RNF144A: variants seen among roughly 807,000 people sequenced by gnomAD.
The protein encoded by RNF144A is ring finger protein 144A.
RNF144A carries 11 observed loss-of-function variants against 38.7 expected under a neutral mutation model. That is an observed-to-expected ratio of 0.28 (90% CI 0.18 to 0.47). The LOEUF (loss-of-function observed/expected upper bound fraction) is 0.47. Ranked by LOEUF, RNF144A falls within the 20% of genes least tolerant of loss-of-function variation. RNF144A has a pLI of 0.99. For missense variants in RNF144A, 316 were observed against 377.2 expected (o/e 0.84, Z 1.34); for synonymous variants, 149 against 143.9 (o/e 1.04, Z -0.25).
chr2:7,047,212 G>T (rs563585305), downstream of RNF144A, among the ~76,000 whole-genome samples: 8 of 152,182 alleles, frequency 5.3e-5, no homozygotes, highest in Non-Finnish European at 7.4e-5. Flanking sequence ...TGTTGCTGGG[G>T]GTGTGTGTGT....
chr2:6,996,182 A>G (rs1460751356), intron 2 of RNF144A, among the ~76,000 whole-genome samples: 1 of 151,208 alleles, frequency 6.6e-6, no homozygotes, highest in East Asian at 1.9e-4. Flanking sequence ...AAGCCTCACC[A>G]CCCCCACCAA....
chr2:7,023,749 T>C (rs1477334421), intron 6 of RNF144A, among the ~76,000 whole-genome samples: 2 of 152,326 alleles, frequency 1.3e-5, no homozygotes, highest in South Asian at 2.1e-4. Flanking sequence ...GTCACACTGA[T>C]GAGAAAACTA....
intron 2 of RNF144A, among the ~76,000 whole-genome samples, chr2:6,995,063 C>A (rs1669631614): frequency 6.6e-6 from 1 of 152,180 alleles, no homozygotes; most frequent in Admixed American, 6.5e-5. Flanking sequence ...TGGTAGAATT[C>A]TCCCTCCATG....
Position 6,944,652 on chromosome 2 carries a change from C to T in RNF144A, c.-12+3505C>T, listed in dbSNP as rs1666219623. Among the ~76,000 whole-genome samples the T allele has an allele frequency of 6.6e-6, 1 of 151,964 alleles. No individual in the cohort carries two copies. The highest frequency in any genetic ancestry group is 2.4e-5 in the African/African-American group (1 of 41,358). On this transcript the variant is annotated intron_variant, in intron 2 of 8. Coordinates refer to ENST00000320892, the MANE Select transcript of RNF144A (RefSeq NM_014746.6). The surrounding 1 kb of genome is among the most constrained non-coding windows in gnomAD (Gnocchi z 4.7). ...CTTTCCCTGCAGTGCTTTTGCTGGC[C>T]CCGAGATAGGGTCTCCTCAGGTGTG... is the stretch of plus-strand genomic sequence containing the variant.
At chr2:7,001,609 C>T (rs1311895145) in intron 3 of RNF144A, among the ~76,000 whole-genome samples, 2 of 151,706 alleles carry the variant, frequency 1.3e-5, no homozygotes, top group Non-Finnish European at 2.9e-5. Context: ...CCCAGGAGGT[C>T]GAGGCCGCAG....
intron 2 of RNF144A, among the ~76,000 whole-genome samples, chr2:6,987,086 G>A (rs946190974): frequency 6.6e-6 from 1 of 150,584 alleles, no homozygotes; most frequent in East Asian, 2.0e-4. Context: ...GTGGGAAACC[G>A]GCCATGATGT....
chr2:7,052,739 G>T (rs907521685), intron 6 of RNF144A, among the ~76,000 whole-genome samples: 3 of 151,938 alleles, frequency 2.0e-5, no homozygotes, highest in African/African-American at 7.3e-5. Flanking sequence ...AACATGGGGT[G>T]GGGGGGAATC....
intron 3 of RNF144A, among the ~76,000 whole-genome samples, chr2:7,010,446 C>T (rs1252414495): frequency 6.6e-6 from 1 of 152,152 alleles, no homozygotes; most frequent in Non-Finnish European, 1.5e-5. Context: ...AGCACAGTTT[C>T]TGGGCATTTT....
chr2:6,923,560 C>G (rs570209668), intron 1 of RNF144A, among the ~76,000 whole-genome samples: 1 of 152,338 alleles, frequency 6.6e-6, no homozygotes, highest in African/African-American at 2.4e-5. Flanking sequence ...TTCTTGAAGG[C>G]TCATCACAAA....
chr2:6,976,975 A>G (rs1274116619), intron 2 of RNF144A, among the ~76,000 whole-genome samples: 2 of 152,220 alleles, frequency 1.3e-5, no homozygotes, highest in African/African-American at 4.8e-5. Flanking sequence ...GCTGTAATCC[A>G]CATTTTCATG....
chr2:7,035,093 C>A (rs1244934918), intron 8 of RNF144A, among the ~76,000 whole-genome samples: 1 of 152,218 alleles, frequency 6.6e-6, no homozygotes, highest in East Asian at 1.9e-4. Context: ...AATCTGCCAG[C>A]CTTGTGGCCT....
At chr2:6,997,104 A>G (rs1467099714) in intron 3 of RNF144A, 43 bp downstream of exon 3, 2 of 1,602,420 alleles carry the variant, frequency 1.2e-6, no homozygotes, top group African/African-American at 1.3e-5. Context: ...TGATTTTAGG[A>G]TGAGCTTTTT....
rs1271951718 is a variant in RNF144A, at chr2:7,043,298, A to C, written c.*3538A>C. On this transcript the variant is annotated 3_prime_UTR_variant, in exon 9 of 9. Transcript: ENST00000320892. ...CTATCAGAGATGCAAAAATTACTTC[A>C]AGATGAGTTTATTGTTTTCATTTGT... 19 of 985,304 alleles carry C rather than the reference A, an allele frequency of 1.9e-5. No homozygotes were observed. The highest frequency in any genetic ancestry group is 5.2e-4 in the Middle Eastern group (1 of 1,912). The allele number at this position is 985,304 out of a possible 1,614,324, so 61.0% of individuals were successfully genotyped here. A position where few individuals can be genotyped will look rare whatever the true frequency, so the allele number is the denominator to read the frequency against.
At position 7,041,541 on chromosome 2, in the gene RNF144A, C is replaced by T. The variant is rs533362761; in HGVS notation, c.*1781C>T. 5.9e-5 allele frequency: 58 copies of T among 986,030 alleles called. No homozygotes were observed. In the African/African-American group the frequency reaches 6.6e-4, roughly 11 times the overall value. The allele number at this position is 986,030 out of a possible 1,614,324, so 61.1% of individuals were successfully genotyped here. On this transcript the variant is annotated 3_prime_UTR_variant, in exon 9 of 9. Coordinates refer to ENST00000320892, the MANE Select transcript of RNF144A (RefSeq NM_014746.6). ...TGGAACCTGGGCTGTGGCTCTCTGT[C>T]GTTTGTGGTGCTGTGATGGTGTCTA...
At chr2:7,009,234 CG>C (rs1558428134) in intron 3 of RNF144A, among the ~76,000 whole-genome samples, 1 of 152,188 alleles carries the variant, frequency 6.6e-6, no homozygotes, top group East Asian at 1.9e-4. Flanking sequence ...TAGTATTTGC[CG>C]GGGCCTTACT....
chr2:6,960,487 A>G lies in RNF144A; in HGVS notation c.-12+19340A>G, dbSNP rs1667268469. Among the ~76,000 whole-genome samples, 5 of 152,248 alleles carry G rather than the reference A, an allele frequency of 3.3e-5. No homozygotes were observed. In the South Asian group the frequency reaches 1.0e-3, roughly 32 times the overall value. On this transcript the variant is annotated intron_variant, in intron 2 of 8. Transcript: ENST00000320892. The stretch of plus-strand genomic sequence containing the variant: ...TTTTAAAAAGGCAATGAGAGTGGCC[A>G]AGGTTGTGTTCTGGAAAGTGATGGT...
intron 3 of RNF144A, among the ~76,000 whole-genome samples, chr2:7,011,762 A>G (rs1670825825): frequency 6.6e-6 from 1 of 152,202 alleles, no homozygotes; most frequent in African/African-American, 2.4e-5. Flanking sequence ...TTAGAATGAA[A>G]ACCATAGCTT....
intron 8 of RNF144A, among the ~76,000 whole-genome samples, chr2:7,032,593 C>G (rs1001103579): frequency 2.6e-5 from 4 of 152,244 alleles, no homozygotes; most frequent in Admixed American, 2.0e-4. Context: ...CTGGACAGAT[C>G]GATGCGTCAC....
intron 8 of RNF144A, among the ~76,000 whole-genome samples, chr2:7,031,690 G>C (rs13413864): frequency 6.6e-6 from 1 of 152,258 alleles, no homozygotes; most frequent in Admixed American, 6.5e-5. Context: ...TTGCCAGGAC[G>C]AGGGAAAGGT....
Sources: allele counts gnomAD v4.1 joint callset (sites outside exome capture counted in the v4.1 genomes callset), GRCh38; gene constraint gnomAD v4.1.1; non-coding constraint Gnocchi (gnomAD v3.1); transcripts MANE v1.5; gene names NCBI Gene and HGNC (gene_info 2026-07-23, HGNC 2026-07-21).